COPS3: variants seen among roughly 807,000 people sequenced by gnomAD.
The protein encoded by COPS3 is COP9 signalosome subunit 3.
In COPS3, 10 loss-of-function variants were observed where a neutral mutation model predicts 58.2. The observed-to-expected ratio is 0.17, with a 90% confidence interval of 0.11 to 0.29. The LOEUF is 0.29. Among genes scored for constraint, COPS3 ranks in the 10% least tolerant of loss-of-function variants. The probability of loss-of-function intolerance (pLI) is 1.00; values close to 1 mark genes in which losing one functional copy is unlikely to be tolerated. For missense variants in COPS3, 333 were observed against 510.1 expected (o/e 0.65, Z 3.34); for synonymous variants, 187 against 181.7 (o/e 1.03, Z -0.24).
intron 2 of COPS3, among the ~76,000 whole-genome samples, chr17:17,273,478 C>T (rs2048394320): frequency 6.6e-6 from 1 of 152,058 alleles, no homozygotes. Flanking sequence ...GGCACAGTGG[C>T]TCACACCTGT....
intron 2 of COPS3, among the ~76,000 whole-genome samples, chr17:17,273,917 TA>T (rs1175264633): frequency 6.6e-6 from 1 of 152,120 alleles, no homozygotes; most frequent in Admixed American, 6.6e-5. Context: ...CCCAGGAGGC[TA>T]AAGTGGGAGG....
chr17:17,269,259 T>TA (rs2048294861), intron 4 of COPS3, among the ~76,000 whole-genome samples: 1 of 152,130 alleles, frequency 6.6e-6, no homozygotes, highest in Admixed American at 6.6e-5. Context: ...ACCCTGTCTC[T>TA]ACTAAAAATA....
Sources: gnomAD v4.1 joint callset for allele counts (sites outside exome capture counted in the v4.1 genomes callset) on GRCh38, gnomAD v4.1.1 for gene constraint, MANE v1.5 for transcripts, NCBI Gene and HGNC (gene_info 2026-07-23, HGNC 2026-07-21) for gene names.